Variants in CFAP20DC observed in about 807,000 individuals in gnomAD.
CFAP20DC encodes the protein CFAP20 domain containing.
CFAP20DC carries 84 observed loss-of-function variants against 101.7 expected under a neutral mutation model. The observed-to-expected ratio is 0.83, with a 90% CI of 0.69 to 0.99. The LOEUF is 0.99. Ranked by LOEUF, CFAP20DC falls within the 50% of genes least tolerant of loss-of-function variation. CFAP20DC has a pLI of 0.00. For synonymous variants in CFAP20DC, 359 were observed against 351.2 expected, an observed-to-expected ratio of 1.02 and a Z score of -0.25; for missense variants, 1,007 against 970.3, an observed-to-expected ratio of 1.04 and a Z score of -0.50.
intron 4 of CFAP20DC, among the ~76,000 whole-genome samples, chr3:58,976,254 C>T (rs2092269756): frequency 6.6e-6 from 1 of 152,102 alleles, no homozygotes; most frequent in African/African-American, 2.4e-5. Context: ...AGGAAATATC[C>T]TAATTCTGGA....
rs560329696 is a variant in CFAP20DC at position 58,724,785 on chromosome 3, G to A, written c.198-7157C>T. Among the ~76,000 whole-genome samples the A allele has an allele frequency of 3.9e-5, 6 of 152,068 alleles. No homozygotes were observed. In the South Asian group the frequency reaches 6.2e-4, roughly 16 times the overall value. ...ACCTGTCTCTTCTCAATCCTTTGTC[G>A]CCACCGGACTTCGGGTACCCTACGG... On this transcript the variant is annotated intron_variant, in intron 3 of 3. Transcript: ENST00000486145. This position sits in a 1 kb window ranked among gnomAD's most constrained non-coding sequence, Gnocchi z 5.6.
intron 5 of CFAP20DC, among the ~76,000 whole-genome samples, chr3:58,931,664 G>T (rs918267929): frequency 1.3e-5 from 2 of 152,152 alleles, no homozygotes; most frequent in African/African-American, 4.8e-5. Context: ...AGGCAAATAG[G>T]GTCTGGAGTG....
Position 58,863,588 on chromosome 3 carries a change from A to G in CFAP20DC, c.1563T>C (p.Asp521=). 2 of 1,614,162 alleles carry G rather than the reference A, an allele frequency of 1.2e-6. No individual in the cohort carries two copies. The highest frequency in any genetic ancestry group is 1.7e-6 in the Non-Finnish European group (2 of 1,180,024). The change falls in exon 12 of 17, where the codon GAT becomes GAC. Residue 521 remains aspartate, a synonymous_variant. Transcript: ENST00000482387. The surrounding 1 kb of genome is among the most constrained non-coding windows in gnomAD (Gnocchi z 5.9). ...SVTSRDTQSE[D]DFYGGDSSEE... is the part of the protein sequence containing the mutation. The stretch of plus-strand genomic sequence containing the variant: ...CACTGCTGTCGCCGCCGTAAAAATC[A>G]TCCTCTGATTGGGTGTCTCTGCTTG...
Position 59,037,916 on chromosome 3 carries a change from C to T in CFAP20DC, c.278+1641G>A, listed in dbSNP as rs1041853793. On this transcript the variant is annotated intron_variant, in intron 4 of 16. Transcript: ENST00000482387. ...GATAGACTGGATAAAGAAAATGTAG[C>T]ACATATGCACCACGGAATACTATGC... Among the ~76,000 whole-genome samples the T allele has an allele frequency of 7.2e-5, 11 of 152,114 alleles. 1 individual carries two copies. Among genetic ancestry groups the T allele is most frequent in the Admixed American group, 6.5e-4 (10 of 15,284 alleles).
chr3:58,884,467 C>A (rs143969345), intron 7 of CFAP20DC, 78 bp downstream of exon 7: 2 of 1,342,768 alleles, frequency 1.5e-6, no homozygotes, highest in Non-Finnish European at 2.1e-6. Flanking sequence ...AGGTACAGTG[C>A]CCTTTTTGGA....
At chr3:58,738,345 C>T (rs755092171), downstream of CFAP20DC, among the ~76,000 whole-genome samples, 23 of 152,020 alleles carry the variant, frequency 1.5e-4, no homozygotes, top group Non-Finnish European at 2.5e-4. The surrounding 1 kb of genome is among the most constrained non-coding windows in gnomAD (Gnocchi z 4.4). Context: ...CCTCCCCTCA[C>T]CCCACCCCCA....
At chr3:58,948,750 C>CT (rs1409659925) in intron 4 of CFAP20DC, among the ~76,000 whole-genome samples, 2 of 152,106 alleles carry the variant, frequency 1.3e-5, no homozygotes, top group African/African-American at 2.4e-5. Flanking sequence ...CTAAAATTCT[C>CT]TTTTTTTGTT....
At chr3:58,949,705 C>T (rs1214540932) in intron 4 of CFAP20DC, among the ~76,000 whole-genome samples, 2 of 152,144 alleles carry the variant, frequency 1.3e-5, no homozygotes, top group Non-Finnish European at 2.9e-5. Flanking sequence ...AGGCCTTTGA[C>T]AAAATTCAAA....
chr3:58,867,749 C>G, intron 10 of CFAP20DC, 68 bp downstream of exon 10: 2 of 1,573,596 alleles, frequency 1.3e-6, no homozygotes, highest in South Asian at 2.2e-5. Flanking sequence ...AATTTACAAC[C>G]TGCAGAGAGA....
intron 15 of CFAP20DC, among the ~76,000 whole-genome samples, chr3:58,766,111 G>C (rs1429599675): frequency 1.3e-5 from 2 of 152,128 alleles, no homozygotes; most frequent in Non-Finnish European, 2.9e-5. Flanking sequence ...AAGTTTTTCT[G>C]TAAAGGGCCA....
Position 58,742,299 on chromosome 3 carries a change from ATTC to A in CFAP20DC, c.*158_*160del, listed in dbSNP as rs1559531730. On this transcript the variant is annotated 3_prime_UTR_variant, in exon 17 of 17. Transcript: ENST00000482387. ...ACTCATCTACAAAAGGAATATAGGT[ATTC>A]TTAACGTTGAACATTATTTACAAAA... The A allele has an allele frequency of 1.6e-6, 2 of 1,222,914 alleles. No individual in the cohort carries two copies. Among genetic ancestry groups the A allele is most frequent in the African/African-American group, 1.6e-5 (1 of 64,048 alleles). 75.8% of individuals were successfully genotyped at this position (1,222,914 alleles called of 1,614,324 possible).
intron 8 of CFAP20DC, 154 bp downstream of exon 8, chr3:58,870,019 C>A: frequency 1.5e-6 from 1 of 652,192 alleles, no homozygotes; most frequent in Non-Finnish European, 2.5e-6. Flanking sequence ...ATTTCTGTTC[C>A]AAATTTATTC....
chr3:58,747,155 T>A (rs1327739286), intron 16 of CFAP20DC, among the ~76,000 whole-genome samples: 1 of 152,070 alleles, frequency 6.6e-6, no homozygotes, highest in Non-Finnish European at 1.5e-5. Flanking sequence ...CCAAATTACA[T>A]TTTTTTCTCT....
chr3:58,879,845 A>T (rs1261326922), intron 7 of CFAP20DC, among the ~76,000 whole-genome samples: 2 of 152,178 alleles, frequency 1.3e-5, no homozygotes, highest in African/African-American at 4.8e-5. Flanking sequence ...TCATACTCAT[A>T]TAGTGTAGAT....
chr3:58,775,682 G>C (rs1362285087), intron 15 of CFAP20DC, among the ~76,000 whole-genome samples: 1 of 151,366 alleles, frequency 6.6e-6, no homozygotes, highest in African/African-American at 2.4e-5. Flanking sequence ...CTATCTGCTG[G>C]TTATATATTA....
chr3:59,033,247 C>T (rs1220433135), intron 4 of CFAP20DC, among the ~76,000 whole-genome samples: 1 of 152,134 alleles, frequency 6.6e-6, no homozygotes, highest in Non-Finnish European at 1.5e-5. Context: ...GAGGAAAAAC[C>T]AGCGCAAAAG....
At chr3:58,842,822 C>T (rs377065793) in intron 13 of CFAP20DC, among the ~76,000 whole-genome samples, 9 of 152,192 alleles carry the variant, frequency 5.9e-5, no homozygotes, top group Non-Finnish European at 7.3e-5. Flanking sequence ...ATCTGACAAC[C>T]GGCAGACTGC....
chr3:58,926,472 T>G (rs958658276), intron 5 of CFAP20DC, among the ~76,000 whole-genome samples: 1 of 152,188 alleles, frequency 6.6e-6, no homozygotes, highest in Non-Finnish European at 1.5e-5. Context: ...AACATTACAA[T>G]GAATTCTAGG....
chr3:58,980,497 C>T (rs1293693171), intron 4 of CFAP20DC, among the ~76,000 whole-genome samples: 1 of 152,130 alleles, frequency 6.6e-6, no homozygotes, highest in Non-Finnish European at 1.5e-5. Context: ...CATCAAAAAG[C>T]TTATCCACCA....
Sources: allele counts gnomAD v4.1 joint callset (sites outside exome capture counted in the v4.1 genomes callset), GRCh38; gene constraint gnomAD v4.1.1; non-coding constraint Gnocchi (gnomAD v3.1); transcripts MANE v1.5; gene names NCBI Gene and HGNC (gene_info 2026-07-23, HGNC 2026-07-21).